AP4E1: variants seen among roughly 807,000 people sequenced by gnomAD.
AP4E1 encodes the protein adaptor related protein complex 4 subunit epsilon 1.
A neutral mutation model predicts 128.2 loss-of-function variants in AP4E1; 56 were observed. The ratio of observed to expected loss-of-function variants is 0.44; its 90% CI spans 0.35 to 0.55. The LOEUF is 0.55. AP4E1 is among the 20% of genes least tolerant of loss of function. The pLI, the probability that AP4E1 is intolerant of heterozygous loss-of-function variation, is 0.00. For synonymous variants in AP4E1, 484 were observed against 473.1 expected, an observed-to-expected ratio of 1.02 and a Z score of -0.30; for missense variants, 1,324 against 1,307.7, an observed-to-expected ratio of 1.01 and a Z score of -0.19.
chr15:50,987,216 G>A (rs755019819), intron 16 of AP4E1, among the ~76,000 whole-genome samples: 41 of 151,990 alleles, frequency 2.7e-4, no homozygotes, highest in Non-Finnish European at 5.4e-4. Context: ...AGTCTTGCTA[G>A]CGGTCTATCA....
At chr15:50,931,061 G>C in intron 7 of AP4E1, 90 bp downstream of exon 7, 1 of 1,457,654 alleles carries the variant, frequency 6.9e-7, no homozygotes, top group Non-Finnish European at 9.6e-7. Context: ...TGATAAACCA[G>C]ATTCTTCCAA....
intron 10 of AP4E1, among the ~76,000 whole-genome samples, chr15:50,943,439 G>A (rs1363483090): frequency 6.6e-6 from 1 of 151,956 alleles, no homozygotes; most frequent in Non-Finnish European, 1.5e-5. Context: ...CATATTTTTA[G>A]TAGTCTGAAA....
Position 50,968,399 on chromosome 15 carries a change from ATAAGC to A in AP4E1, c.1966+25_1966+29del, listed in dbSNP as rs1567243926. On this transcript the variant is annotated intron_variant, in intron 15 of 20. Transcript: ENST00000261842. ...AAAGGTAATTTTTCATGGATTTATG[ATAAGC>A]TAGAGTGTAGGGATGTAATTTTTGA... 3 of 1,546,426 alleles carry A rather than the reference ATAAGC, an allele frequency of 1.9e-6. No individual in the cohort carries two copies. In the Admixed American group the frequency reaches 5.1e-5, roughly 26 times the overall value.
chr15:50,964,672 G>C (rs1007803188), intron 14 of AP4E1, among the ~76,000 whole-genome samples: 2 of 151,568 alleles, frequency 1.3e-5, no homozygotes, highest in African/African-American at 2.4e-5. Flanking sequence ...TGGTTAATAA[G>C]GTGCTTGGGC....
At chr15:50,999,006 G>T in intron 18 of AP4E1, 66 bp from the exon 19 acceptor site, 1 of 1,419,232 alleles carries the variant, frequency 7.0e-7, no homozygotes, top group Non-Finnish European at 9.9e-7. Context: ...ATAGAAAATT[G>T]GTAGTCATGT....
At chr15:50,995,957 G>A (rs975406001) in intron 17 of AP4E1, among the ~76,000 whole-genome samples, 1 of 140,118 alleles carries the variant, frequency 7.1e-6, no homozygotes, top group Non-Finnish European at 1.5e-5. Flanking sequence ...TTGGGGGACA[G>A]TAACAAGCAG....
intron 15 of AP4E1, among the ~76,000 whole-genome samples, chr15:50,978,925 A>C (rs1471474197): frequency 6.6e-6 from 1 of 152,070 alleles, no homozygotes; most frequent in East Asian, 1.9e-4. Context: ...CTTTATTCTC[A>C]ACCTTGAGCC....
intron 13 of AP4E1, among the ~76,000 whole-genome samples, chr15:50,956,908 A>T (rs2064231599): frequency 6.6e-6 from 1 of 152,196 alleles, no homozygotes; most frequent in Admixed American, 6.5e-5. Context: ...TGTAGCTCTC[A>T]ACCCCTCGCG....
intron 3 of AP4E1, among the ~76,000 whole-genome samples, chr15:50,923,462 A>G (rs867452642): frequency 8.5e-5 from 13 of 152,192 alleles, no homozygotes; most frequent in African/African-American, 1.4e-4. Flanking sequence ...GATTTACATC[A>G]TGTGCGTTGA....
intron 13 of AP4E1, among the ~76,000 whole-genome samples, chr15:50,954,279 T>C (rs529434084): frequency 1.5e-3 from 227 of 152,378 alleles, no homozygotes; most frequent in Non-Finnish European, 2.7e-3. Flanking sequence ...GACTTGGGAA[T>C]GTGCCCTCCT....
chr15:50,983,970 GT>G, intron 15 of AP4E1, 51 bp from the exon 16 acceptor site: 1 of 1,586,860 alleles, frequency 6.3e-7, no homozygotes, highest in Non-Finnish European at 8.6e-7. Context: ...AACTTTGACA[GT>G]TTTTTGCTTT....
At chr15:50,941,859 TG>T in intron 10 of AP4E1, 84 bp downstream of exon 10, 2 of 951,146 alleles carry the variant, frequency 2.1e-6, no homozygotes, top group Non-Finnish European at 1.7e-6. Context: ...ATTAAAGTGG[TG>T]GGCAGTGTGT....
chr15:50,995,482 C>G (rs1443947067), intron 17 of AP4E1, among the ~76,000 whole-genome samples: 1 of 150,968 alleles, frequency 6.6e-6, no homozygotes, highest in African/African-American at 2.4e-5. Flanking sequence ...ACTGCAACCT[C>G]CGCCTCAATT....
intron 14 of AP4E1, among the ~76,000 whole-genome samples, chr15:50,967,150 T>C (rs1289548284): frequency 1.3e-5 from 2 of 152,332 alleles, no homozygotes; most frequent in Admixed American, 1.3e-4. Flanking sequence ...TGAAAAAGCA[T>C]TTTCAGTTTA....
chr15:50,993,159 TAAATC>T (rs1567262975), intron 16 of AP4E1, among the ~76,000 whole-genome samples: 1 of 152,186 alleles, frequency 6.6e-6, no homozygotes, highest in African/African-American at 2.4e-5. Flanking sequence ...TCTGCAGCCT[TAAATC>T]AAATCCTTTG....
At chr15:50,971,919 A>G (rs904417398) in intron 15 of AP4E1, among the ~76,000 whole-genome samples, 1 of 151,924 alleles carries the variant, frequency 6.6e-6, no homozygotes, top group African/African-American at 2.4e-5. Flanking sequence ...TAATATTGTT[A>G]TTTTGAATTC....
At chr15:50,936,646 G>T (rs564062291) in intron 8 of AP4E1, among the ~76,000 whole-genome samples, 19 of 152,160 alleles carry the variant, frequency 1.2e-4, no homozygotes, top group South Asian at 6.2e-4. Flanking sequence ...CTTTTATTAA[G>T]ATTGCTTGGC....
chr15:50,977,990 C>G (rs1596499832), intron 15 of AP4E1, among the ~76,000 whole-genome samples: 1 of 152,102 alleles, frequency 6.6e-6, no homozygotes, highest in African/African-American at 2.4e-5. Context: ...ATTACAGGCA[C>G]AAGCCACCAT....
chr15:50,984,977 C>G (rs970085743), intron 16 of AP4E1, among the ~76,000 whole-genome samples: 6 of 152,086 alleles, frequency 3.9e-5, no homozygotes, highest in Non-Finnish European at 8.8e-5. Context: ...CTGTTGTTTC[C>G]TGACTTTTTA....
Sources: gnomAD v4.1 joint callset for allele counts (sites outside exome capture counted in the v4.1 genomes callset) on GRCh38, gnomAD v4.1.1 for gene constraint, MANE v1.5 for transcripts, NCBI Gene and HGNC (gene_info 2026-07-23, HGNC 2026-07-21) for gene names.